The following PTPRM variants were observed in gnomAD, a reference collection of about 807,000 sequenced individuals.
PTPRM encodes the protein receptor-type tyrosine-protein phosphatase mu.
Under a neutral mutation model 186.7 loss-of-function variants are expected in PTPRM, and 47 were observed. The ratio of observed to expected loss-of-function variants is 0.25; its 90% CI spans 0.20 to 0.32. The LOEUF (loss-of-function observed/expected upper bound fraction) is 0.32, where lower values mean the gene tolerates loss of function less well. Among genes scored for constraint, PTPRM ranks in the 10% least tolerant of loss-of-function variants. The pLI is 1.00. For synonymous variants in PTPRM, 668 were observed against 674.9 expected, an observed-to-expected ratio of 0.99 and a Z score of 0.16; for missense variants, 1,494 against 1,865.0, an observed-to-expected ratio of 0.80 and a Z score of 3.66.
At chr18:7,589,175 G>T (rs1369637308) in intron 1 of PTPRM, among the ~76,000 whole-genome samples, 1 of 152,160 alleles carries the variant, frequency 6.6e-6, no homozygotes, top group Non-Finnish European at 1.5e-5. Context: ...ATGAAATATG[G>T]ATTTGACAGT....
intron 7 of PTPRM, among the ~76,000 whole-genome samples, chr18:8,046,242 T>G (rs755500609): frequency 6.6e-6 from 1 of 152,220 alleles, no homozygotes; most frequent in Non-Finnish European, 1.5e-5. Context: ...ACCTCTTTTC[T>G]TTATAAATTA....
Position 7,651,888 on chromosome 18 carries a change from C to T in PTPRM, c.73+83997C>T, listed in dbSNP as rs564878443. 4.6e-5 allele frequency among the ~76,000 whole-genome samples: 7 copies of T among 151,000 alleles called. No individual in the cohort carries two copies. In the South Asian group the frequency reaches 1.3e-3, roughly 27 times the overall value. ...CACCAAAAGCAATGGCAACAAAAGC[C>T]AAAATTGACAAATGGGATCTAATTA... On this transcript the variant is annotated intron_variant, in intron 1 of 32. Coordinates refer to ENST00000580170, the MANE Select transcript of PTPRM (RefSeq NM_001105244.2).
At chr18:8,115,134 G>A (rs59325862) in intron 13 of PTPRM, among the ~76,000 whole-genome samples, 2,155 of 152,124 alleles carry the variant, frequency 0.014, 45 homozygotes, top group African/African-American at 0.048. Flanking sequence ...CTCAGTACAC[G>A]TTTTTTAATC....
At chr18:8,369,030 G>A (rs1189231942) in intron 23 of PTPRM, among the ~76,000 whole-genome samples, 1 of 152,132 alleles carries the variant, frequency 6.6e-6, no homozygotes, top group Non-Finnish European at 1.5e-5. Context: ...CGTGTGAGAT[G>A]TACTTTAAAG....
In PTPRM at chr18:8,076,342, T is replaced by C; in HGVS notation, c.1442-113T>C. On this transcript the variant is annotated intron_variant, in intron 8 of 32. Transcript: ENST00000580170. ...GATTTTTAAAGAAAAATTGAGTATA[T>C]GTGTGGACTATTAAAATCTTTTCTC... The C allele has an allele frequency of 4.5e-6, 3 of 665,076 alleles. No homozygotes were observed. The South Asian group carries it at 5.5e-5, about 12-fold the overall frequency. The allele number at this position is 665,076 out of a possible 1,614,324, so 41.2% of individuals were successfully genotyped here.
intron 31 of PTPRM, among the ~76,000 whole-genome samples, chr18:8,390,507 AT>A (rs2095804011): frequency 2.6e-5 from 4 of 152,232 alleles, no homozygotes; most frequent in African/African-American, 7.2e-5. Flanking sequence ...GACTTTTATA[AT>A]ACATGTGTCT....
At chr18:7,819,375 G>A (rs1347212626) in intron 2 of PTPRM, among the ~76,000 whole-genome samples, 1 of 152,240 alleles carries the variant, frequency 6.6e-6, no homozygotes, top group African/African-American at 2.4e-5. Flanking sequence ...AGATAGAAGC[G>A]GCTGGATGTT....
chr18:7,644,171 C>G (rs1309556080), intron 1 of PTPRM, among the ~76,000 whole-genome samples: 1 of 151,992 alleles, frequency 6.6e-6, no homozygotes, highest in Non-Finnish European at 1.5e-5. Flanking sequence ...ACAAAAGGTG[C>G]TCTGAGATTC....
chr18:8,035,240 CA>C (rs1449266853), intron 7 of PTPRM, among the ~76,000 whole-genome samples: 1 of 152,174 alleles, frequency 6.6e-6, no homozygotes, highest in Non-Finnish European at 1.5e-5. Context: ...GCTGCATCTT[CA>C]AAATTTGGCT....
intron 5 of PTPRM, among the ~76,000 whole-genome samples, chr18:7,941,570 T>C (rs2052177640): frequency 6.6e-6 from 1 of 152,274 alleles, no homozygotes; most frequent in Non-Finnish European, 1.5e-5. Context: ...TGTTAATTTA[T>C]GTGCTCATAT....
At chr18:7,680,734 T>G (rs1385741430) in intron 1 of PTPRM, among the ~76,000 whole-genome samples, 1 of 152,080 alleles carries the variant, frequency 6.6e-6, no homozygotes, top group Non-Finnish European at 1.5e-5. Context: ...ACTTACTGGT[T>G]TTCGGCTTCC....
intron 7 of PTPRM, among the ~76,000 whole-genome samples, chr18:8,044,926 C>A (rs997712274): frequency 6.6e-6 from 1 of 151,940 alleles, no homozygotes; most frequent in Admixed American, 6.6e-5. Flanking sequence ...AATAATACAC[C>A]CACTTCATAA....
At chr18:7,603,187 C>A (rs2037450008) in intron 1 of PTPRM, among the ~76,000 whole-genome samples, 1 of 152,068 alleles carries the variant, frequency 6.6e-6, no homozygotes, top group Non-Finnish European at 1.5e-5. Context: ...CTTGGCCTCC[C>A]AAAGTGCTGG....
At chr18:8,119,517 T>G (rs2092091942) in intron 13 of PTPRM, among the ~76,000 whole-genome samples, 1 of 152,188 alleles carries the variant, frequency 6.6e-6, no homozygotes, top group African/African-American at 2.4e-5. Context: ...AGGCTTTGGA[T>G]TTTGAAATAG....
At chr18:7,855,547 A>C (rs1327354216) in intron 2 of PTPRM, among the ~76,000 whole-genome samples, 2 of 152,190 alleles carry the variant, frequency 1.3e-5, no homozygotes, top group Non-Finnish European at 2.9e-5. Context: ...TTTGAATTCC[A>C]TTTCCACCCT....
chr18:8,393,882 G>A (rs1400286212), intron 31 of PTPRM, among the ~76,000 whole-genome samples: 4 of 152,214 alleles, frequency 2.6e-5, no homozygotes, highest in East Asian at 3.9e-4. Context: ...TCCACCTCCC[G>A]GGTTCACGCC....
chr18:7,907,440 A>G (rs1392644461), intron 4 of PTPRM, among the ~76,000 whole-genome samples: 2 of 152,240 alleles, frequency 1.3e-5, no homozygotes, highest in Non-Finnish European at 2.9e-5. Flanking sequence ...GCAAGCAGCC[A>G]CAGCAACCAC....
rs370283649 is a variant in PTPRM, at chr18:8,379,250, C to T, written c.3696C>T (p.Cys1232=). The change falls in exon 28 of 33, where the codon TGC becomes TGT. Residue 1232 remains cysteine (C), a synonymous_variant. Coordinates refer to ENST00000580170, the MANE Select transcript of PTPRM (RefSeq NM_001105244.2). The part of the protein sequence containing the change: ...LLPRNHEKNR[C]MDILPPDRCL... ...CCCGGAACCATGAGAAAAACCGGTGCATGGACATCCTGCCCCCAGACCGCT... is the reference window on the plus strand; with the variant it reads ...CCCGGAACCATGAGAAAAACCGGTGTATGGACATCCTGCCCCCAGACCGCT... 1.1e-4 allele frequency: 176 copies of T among 1,614,004 alleles called. No individual in the cohort carries two copies. The highest frequency in any genetic ancestry group is 1.4e-4 in the Non-Finnish European group (168 of 1,180,020).
chr18:8,178,804 T>TAAAATAA (rs61560329), intron 14 of PTPRM, among the ~76,000 whole-genome samples: 47,300 of 150,928 alleles, frequency 0.31, 7,619 homozygotes, highest in Non-Finnish European at 0.37. Flanking sequence ...ATAATAATAA[T>TAAAATAA]AAAATAAAAA....
Sources: gnomAD v4.1 joint callset for allele counts (sites outside exome capture counted in the v4.1 genomes callset) on GRCh38, gnomAD v4.1.1 for gene constraint, MANE v1.5 for transcripts, NCBI Gene and HGNC (gene_info 2026-07-23, HGNC 2026-07-21) for gene names.